Variants in PALM2AKAP2 observed in about 807,000 individuals in gnomAD.
The protein encoded by PALM2AKAP2 is PALM2 and AKAP2 fusion.
Under a neutral mutation model 71.5 loss-of-function variants are expected in PALM2AKAP2, and 37 were observed. The observed-to-expected ratio is 0.52, with a 90% CI of 0.40 to 0.68. PALM2AKAP2 has a LOEUF of 0.68. Ranked by LOEUF, PALM2AKAP2 falls within the 30% of genes least tolerant of loss-of-function variation. The pLI, the probability that PALM2AKAP2 is intolerant of heterozygous loss-of-function variation, is 0.00. For missense variants in PALM2AKAP2, 1,224 were observed against 1,191.8 expected, an observed-to-expected ratio of 1.03 and a Z score of -0.40; for synonymous variants, 468 against 478.8, an observed-to-expected ratio of 0.98 and a Z score of 0.29.
chr9:110,093,400 T>A (rs1171496280), intron 1 of PALM2AKAP2, among the ~76,000 whole-genome samples: 1 of 151,832 alleles, frequency 6.6e-6, no homozygotes. Flanking sequence ...AAGGGATCAA[T>A]GAGTAAGGAA....
chr9:109,832,268 C>T (rs10980074), intron 1 of PALM2AKAP2, among the ~76,000 whole-genome samples: 1 of 152,374 alleles, frequency 6.6e-6, no homozygotes, highest in East Asian at 1.9e-4. Context: ...CAAGTCCTCT[C>T]TGAGTCGCTT....
intron 1 of PALM2AKAP2, among the ~76,000 whole-genome samples, chr9:109,655,298 C>CAA (rs10598253): frequency 2.7e-5 from 3 of 110,408 alleles, no homozygotes; most frequent in Admixed American, 9.5e-5. Context: ...GACTCGGTCT[C>CAA]AAAAAAAAAA....
intron 1 of PALM2AKAP2, among the ~76,000 whole-genome samples, chr9:110,125,306 T>C (rs1478977994): frequency 1.3e-5 from 2 of 152,212 alleles, no homozygotes; most frequent in Non-Finnish European, 2.9e-5. Context: ...CCTGCCTCCC[T>C]GCTCAGCCTT....
At chr9:109,913,906 G>A (rs1244391834) in intron 3 of PALM2AKAP2, among the ~76,000 whole-genome samples, 1 of 151,888 alleles carries the variant, frequency 6.6e-6, no homozygotes, top group African/African-American at 2.4e-5. Context: ...ACAGGCGCCC[G>A]CCACTACGCC....
chr9:109,835,303 G>C (rs143788819), intron 1 of PALM2AKAP2, among the ~76,000 whole-genome samples: 1,565 of 144,858 alleles, frequency 0.011, 34 homozygotes, highest in African/African-American at 0.036. Flanking sequence ...GTGGGGGAAA[G>C]AGGGGAGGGT....
intron 4 of PALM2AKAP2, among the ~76,000 whole-genome samples, 177 bp downstream of exon 4, chr9:109,924,026 A>G (rs1247618636): frequency 6.6e-6 from 1 of 152,184 alleles, no homozygotes; most frequent in Non-Finnish European, 1.5e-5. Flanking sequence ...TAAGCATGAC[A>G]TATCTTTGGG....
At chr9:109,691,832 C>CTATATATA (rs1827889252) in intron 1 of PALM2AKAP2, among the ~76,000 whole-genome samples, 1 of 36,386 alleles carries the variant, frequency 2.7e-5, no homozygotes, top group Non-Finnish European at 5.3e-5. Context: ...TCCAGAAAGA[C>CTATATATA]GATATATATA....
chr9:110,139,754 A>C (rs149563215), intron 2 of PALM2AKAP2, among the ~76,000 whole-genome samples: 16 of 152,206 alleles, frequency 1.1e-4, no homozygotes, highest in African/African-American at 3.6e-4. Flanking sequence ...GTACAGTACA[A>C]ATGTCTTTCT....
chr9:110,135,015 T>C (rs1835815931), intron 1 of PALM2AKAP2, among the ~76,000 whole-genome samples: 1 of 150,096 alleles, frequency 6.7e-6, no homozygotes, highest in African/African-American at 2.5e-5. Context: ...AGATAACTGG[T>C]AGAAAAATAA....
At chr9:109,820,368 A>C (rs762975124) in intron 1 of PALM2AKAP2, among the ~76,000 whole-genome samples, 2 of 152,114 alleles carry the variant, frequency 1.3e-5, no homozygotes, top group Non-Finnish European at 2.9e-5. Context: ...CCCCTCATGT[A>C]TGTCTGTCTG....
intron 1 of PALM2AKAP2, among the ~76,000 whole-genome samples, chr9:109,790,601 A>G (rs1482695529): frequency 6.6e-6 from 1 of 152,220 alleles, no homozygotes; most frequent in Non-Finnish European, 1.5e-5. Context: ...TGTGTCCTGC[A>G]TGTCACATGA....
In PALM2AKAP2 at chr9:110,152,673, G is replaced by A. The variant is rs145515619; in HGVS notation, c.2570-3646G>A. ...GTCCACTATTGGGGGAAGAGCATCC[G>A]GAGTGCTGTCACCGTCCTAATGGAG... On this transcript the variant is annotated intron_variant, in intron 2 of 3. Coordinates refer to ENST00000374525, the Ensembl canonical transcript of PALM2AKAP2. Among the ~76,000 whole-genome samples the A allele has an allele frequency of 3.3e-3, 508 of 152,314 alleles. 3 individuals are homozygous for A. The highest frequency in any genetic ancestry group is 0.014 in the Middle Eastern group (4 of 294).
chr9:110,007,873 T>G (rs190651234), intron 6 of PALM2AKAP2, among the ~76,000 whole-genome samples: 8 of 152,314 alleles, frequency 5.3e-5, no homozygotes, highest in African/African-American at 1.9e-4. Flanking sequence ...GCCATGTAGA[T>G]CTAAAAAGGA....
intron 1 of PALM2AKAP2, among the ~76,000 whole-genome samples, chr9:110,052,161 C>G (rs558805962): frequency 6.6e-6 from 1 of 152,172 alleles, no homozygotes; most frequent in Non-Finnish European, 1.5e-5. Context: ...CTCGGCCTCC[C>G]AAAATGCTGG....
intron 1 of PALM2AKAP2, among the ~76,000 whole-genome samples, chr9:110,055,002 C>T (rs1833802212): frequency 6.6e-6 from 1 of 152,070 alleles, no homozygotes; most frequent in Non-Finnish European, 1.5e-5. Flanking sequence ...CCTGACTGCC[C>T]CCCGCCCCTA....
chr9:109,792,170 G>A (rs1050806464), intron 1 of PALM2AKAP2, among the ~76,000 whole-genome samples: 7 of 152,142 alleles, frequency 4.6e-5, no homozygotes, highest in African/African-American at 1.2e-4. Flanking sequence ...CAGAGTCAGG[G>A]CTGCTACTTA....
chr9:109,817,469 A>G (rs765439609), intron 1 of PALM2AKAP2, among the ~76,000 whole-genome samples: 6 of 152,232 alleles, frequency 3.9e-5, no homozygotes, highest in Non-Finnish European at 7.3e-5. Context: ...TCATAGCTCT[A>G]TTCCTCAGAT....
At chr9:109,886,012 T>C (rs1024026481) in intron 3 of PALM2AKAP2, among the ~76,000 whole-genome samples, 8 of 152,246 alleles carry the variant, frequency 5.3e-5, no homozygotes, top group African/African-American at 1.9e-4. Context: ...TGCACAGCTT[T>C]TCCCTGGGTA....
intron 2 of PALM2AKAP2, among the ~76,000 whole-genome samples, chr9:109,873,364 A>G (rs953779280): frequency 1.3e-5 from 2 of 152,074 alleles, no homozygotes; most frequent in Non-Finnish European, 2.9e-5. Flanking sequence ...TGAACCTGGG[A>G]GGTGGAGGTC....
Sources: gnomAD v4.1 joint callset for allele counts (sites outside exome capture counted in the v4.1 genomes callset) on GRCh38, gnomAD v4.1.1 for gene constraint, MANE v1.5 for transcripts, NCBI Gene and HGNC (gene_info 2026-07-23, HGNC 2026-07-21) for gene names.